Variants in CALCRL observed in about 807,000 individuals in gnomAD.
The protein encoded by CALCRL is calcitonin receptor like receptor.
A neutral mutation model predicts 60.4 loss-of-function variants in CALCRL; 27 were observed. The ratio of observed to expected loss-of-function variants is 0.45; its 90% confidence interval spans 0.33 to 0.62. CALCRL has a LOEUF of 0.62. Among genes scored for constraint, CALCRL ranks in the 20% least tolerant of loss-of-function variants. The probability of loss-of-function intolerance (pLI) is 0.03; values close to 1 mark genes in which losing one functional copy is unlikely to be tolerated. For missense variants in CALCRL, 424 were observed against 540.7 expected (o/e 0.78, Z 2.14); for synonymous variants, 190 against 182.6 (o/e 1.04, Z -0.33).
In CALCRL at chr2:187,344,876, G is replaced by A. The variant is rs926784893; in HGVS notation, c.*1308C>T. 3 of 151,594 alleles carry A rather than the reference G, an allele frequency of 2.0e-5. No homozygotes were observed. The highest frequency in any genetic ancestry group is 7.3e-5 in the African/African-American group (3 of 41,330). 9.4% of individuals were successfully genotyped at this position (151,594 alleles called of 1,614,324 possible). On this transcript the variant is annotated 3_prime_UTR_variant, in exon 15 of 15. Coordinates refer to ENST00000392370, the MANE Select transcript of CALCRL (RefSeq NM_005795.6). Reference sequence around the variant, plus strand: ...CAGATTGGTATTTATCACAGTAGTTGTTTAAAATTTCTGGATTAGAATGTG... The same window carrying A: ...CAGATTGGTATTTATCACAGTAGTTATTTAAAATTTCTGGATTAGAATGTG...
chr2:187,435,266 C>A (rs1430463938), intron 1 of CALCRL, among the ~76,000 whole-genome samples: 1 of 152,108 alleles, frequency 6.6e-6, no homozygotes, highest in Non-Finnish European at 1.5e-5. Context: ...GCTGACATAT[C>A]CTCATATCTC....
chr2:187,360,831 A>G, intron 9 of CALCRL, 80 bp from the exon 10 acceptor site: 7 of 1,299,430 alleles, frequency 5.4e-6, no homozygotes, highest in Non-Finnish European at 7.4e-6. Flanking sequence ...AGCTCAGGAA[A>G]CATGGAACAT....
At chr2:187,393,827 G>A (rs1688549676) in intron 1 of CALCRL, among the ~76,000 whole-genome samples, 1 of 151,974 alleles carries the variant, frequency 6.6e-6, no homozygotes, top group African/African-American at 2.4e-5. Context: ...TGGGGACCAG[G>A]AACAAGCATT....
At chr2:187,430,667 G>A (rs775365280) in intron 1 of CALCRL, among the ~76,000 whole-genome samples, 5 of 151,954 alleles carry the variant, frequency 3.3e-5, no homozygotes, top group Admixed American at 6.6e-5. Context: ...GAGTGGCCAG[G>A]GAGTTCTAAA....
At chr2:187,444,680 A>C (rs375934801) in intron 1 of CALCRL, among the ~76,000 whole-genome samples, 47 of 151,664 alleles carry the variant, frequency 3.1e-4, no homozygotes, top group African/African-American at 1.1e-3. Context: ...ACCCTAACTC[A>C]GTTCACAGGC....
At chr2:187,414,542 C>A (rs573102417) in intron 1 of CALCRL, among the ~76,000 whole-genome samples, 1 of 152,188 alleles carries the variant, frequency 6.6e-6, no homozygotes, top group East Asian at 1.9e-4. Context: ...GAAAACATAA[C>A]CTTTCTTTTT....
At chr2:187,399,758 A>G (rs1163202364) in intron 1 of CALCRL, among the ~76,000 whole-genome samples, 2 of 151,626 alleles carry the variant, frequency 1.3e-5, no homozygotes, top group Non-Finnish European at 3.0e-5. Flanking sequence ...CACAAAACAG[A>G]ATACTATTCA....
At chr2:187,393,665 G>T (rs950398005) in intron 1 of CALCRL, among the ~76,000 whole-genome samples, 1 of 152,074 alleles carries the variant, frequency 6.6e-6, no homozygotes, top group Non-Finnish European at 1.5e-5. Context: ...TTTTAAAGTA[G>T]ATTGCTTATG....
intron 8 of CALCRL, among the ~76,000 whole-genome samples, chr2:187,364,475 T>G (rs1687194133): frequency 6.6e-6 from 1 of 152,064 alleles, no homozygotes; most frequent in Non-Finnish European, 1.5e-5. Context: ...TGTGTGTTTT[T>G]TTTTTAAATA....
intron 8 of CALCRL, among the ~76,000 whole-genome samples, chr2:187,372,785 A>G (rs1687591520): frequency 6.6e-6 from 1 of 152,188 alleles, no homozygotes; most frequent in Non-Finnish European, 1.5e-5. Context: ...ACAGTGAATG[A>G]TTTTATGTGA....
intron 1 of CALCRL, among the ~76,000 whole-genome samples, chr2:187,431,129 T>G (rs1690387133): frequency 6.6e-6 from 1 of 152,172 alleles, no homozygotes; most frequent in South Asian, 2.1e-4. Flanking sequence ...TTTATTAATA[T>G]TTTGTTAGAT....
At chr2:187,385,918 T>G (rs183057503) in intron 3 of CALCRL, among the ~76,000 whole-genome samples, 4 of 152,112 alleles carry the variant, frequency 2.6e-5, no homozygotes, top group Admixed American at 6.6e-5. Context: ...CCCAGCTAAT[T>G]TTTGTATTTA....
chr2:187,400,816 C>G (rs10931288), intron 1 of CALCRL, among the ~76,000 whole-genome samples: 1 of 151,248 alleles, frequency 6.6e-6, no homozygotes, highest in Admixed American at 6.6e-5. Context: ...CCCATTTATA[C>G]GAAATATCCA....
chr2:187,379,090 C>T (rs552232818), intron 7 of CALCRL, 59 bp from the exon 8 acceptor site: 72 of 792,366 alleles, frequency 9.1e-5, no homozygotes, highest in Non-Finnish European at 1.4e-4. Context: ...TATCTGTAAT[C>T]CCACACATGC....
chr2:187,440,503 T>C (rs1289603229), intron 1 of CALCRL, among the ~76,000 whole-genome samples: 1 of 152,188 alleles, frequency 6.6e-6, no homozygotes, highest in Non-Finnish European at 1.5e-5. Context: ...CTAAATTTAT[T>C]TAACTTATTC....
chr2:187,431,722 A>G (rs1230446908), intron 1 of CALCRL, among the ~76,000 whole-genome samples: 1 of 151,340 alleles, frequency 6.6e-6, no homozygotes, highest in Admixed American at 6.6e-5. Context: ...GGCTGGGGAT[A>G]TGGTAGTCCC....
At chr2:187,347,810 G>A (rs1559035366) in intron 14 of CALCRL, among the ~76,000 whole-genome samples, 1 of 151,372 alleles carries the variant, frequency 6.6e-6, no homozygotes, top group East Asian at 1.9e-4. Context: ...TTTCATGTAG[G>A]AAAAAAGAAG....
At chr2:187,412,925 G>A (rs1689427454) in intron 1 of CALCRL, among the ~76,000 whole-genome samples, 2 of 152,108 alleles carry the variant, frequency 1.3e-5, no homozygotes, top group African/African-American at 4.8e-5. Context: ...TCATAAATAT[G>A]CTTTGTTGAT....
At chr2:187,375,198 G>T (rs949964648) in intron 8 of CALCRL, among the ~76,000 whole-genome samples, 3 of 148,574 alleles carry the variant, frequency 2.0e-5, no homozygotes, top group African/African-American at 7.5e-5. Context: ...CGTGAACCCG[G>T]GAAGCGGAGC....
Sources: gnomAD v4.1 joint callset for allele counts (sites outside exome capture counted in the v4.1 genomes callset) on GRCh38, gnomAD v4.1.1 for gene constraint, MANE v1.5 for transcripts, NCBI Gene and HGNC (gene_info 2026-07-23, HGNC 2026-07-21) for gene names.